ATAD2: variants seen among roughly 807,000 people sequenced by gnomAD.
The protein encoded by ATAD2 is ATPase family AAA domain containing 2.
In ATAD2, 62 loss-of-function variants were observed where a neutral mutation model predicts 168.9. The ratio of observed to expected loss-of-function variants is 0.37; its 90% confidence interval spans 0.30 to 0.45. The LOEUF is 0.45. ATAD2 is among the 20% of genes least tolerant of loss of function. The pLI is 1.00. For missense variants in ATAD2, 1,419 were observed against 1,667.8 expected, an observed-to-expected ratio of 0.85 and a Z score of 2.60; for synonymous variants, 613 against 571.6, an observed-to-expected ratio of 1.07 and a Z score of -1.03.
chr8:123,347,222 C>T lies in ATAD2; in HGVS notation c.2082G>A (p.Val694=). The T allele has an allele frequency of 4.3e-6, 7 of 1,614,148 alleles. No individual in the cohort carries two copies. Among genetic ancestry groups the T allele is most frequent in the Non-Finnish European group, 5.9e-6 (7 of 1,180,030 alleles). Residue 694 remains valine (V), a synonymous_variant, in exon 16 of 28, where the codon GTG becomes GTA. Transcript: ENST00000287394. The part of the protein sequence containing the change: ...QKMIPASQRA[V]TSPGQALSTV... Reference sequence around the variant, plus strand: ...TGGACAGTGCCTGCCCAGGTGATGTCACAGCTCTTTGGGAGGCTGGTATCA... The same window carrying T: ...TGGACAGTGCCTGCCCAGGTGATGTTACAGCTCTTTGGGAGGCTGGTATCA...
At chr8:123,404,009 C>T (rs1224990412) in intron 1 of ATAD2, among the ~76,000 whole-genome samples, 1 of 152,172 alleles carries the variant, frequency 6.6e-6, no homozygotes, top group Non-Finnish European at 1.5e-5. Context: ...TTATTTTAGA[C>T]ACCTGCTACA....
intron 13 of ATAD2, among the ~76,000 whole-genome samples, chr8:123,355,538 AAATGGGGAG>A (rs1446761808): frequency 6.6e-6 from 1 of 152,186 alleles, no homozygotes; most frequent in Admixed American, 6.5e-5. Flanking sequence ...CCCATCTTTA[AAATGGGGAG>A]ATTGGTCTAG....
intron 1 of ATAD2, among the ~76,000 whole-genome samples, chr8:123,391,508 AAAAG>A (rs1829825906): frequency 2.0e-5 from 3 of 150,354 alleles, no homozygotes; most frequent in East Asian, 1.9e-4. Context: ...AAAAAAAAAA[AAAAG>A]GTCAGCCTGA....
intron 9 of ATAD2, among the ~76,000 whole-genome samples, chr8:123,360,836 A>G (rs1828792452): frequency 6.6e-6 from 1 of 152,152 alleles, no homozygotes. Flanking sequence ...AAAATCAAAT[A>G]AGCTGGTTAG....
chr8:123,323,199 CCTCTGGCAGTGG>C (rs1827522083), intron 26 of ATAD2, 133 bp from the exon 27 acceptor site: 2 of 891,552 alleles, frequency 2.2e-6, no homozygotes, highest in Non-Finnish European at 3.2e-6. Flanking sequence ...CACAGGGCAG[CCTCTGGCAGTGG>C]CTCTGACATT....
At chr8:123,323,110 C>A (rs753244983) in intron 26 of ATAD2, 44 bp from the exon 27 acceptor site, 24 of 1,559,724 alleles carry the variant, frequency 1.5e-5, no homozygotes, top group Non-Finnish European at 2.1e-5. Context: ...AGAGAAACTT[C>A]CTCAGACAAG....
intron 3 of ATAD2, among the ~76,000 whole-genome samples, 191 bp downstream of exon 3, chr8:123,372,446 G>A (rs1041833610): frequency 3.9e-5 from 6 of 152,078 alleles, no homozygotes; most frequent in African/African-American, 7.2e-5. Flanking sequence ...AACGGCCCGG[G>A]GAAGTTTTTG....
intron 2 of ATAD2, among the ~76,000 whole-genome samples, chr8:123,373,606 G>A (rs938308302): frequency 2.6e-5 from 4 of 151,828 alleles, no homozygotes. Context: ...GGCTAACAGG[G>A]TGAAACCCCG....
rs117026554 is a variant in ATAD2 at position 123,363,361 on chromosome 8, G to C, written c.1050-1715C>G. Among the ~76,000 whole-genome samples, 1,050 of 152,248 alleles carry C rather than the reference G, an allele frequency of 6.9e-3. 6 individuals carry two copies. Among genetic ancestry groups the C allele is most frequent in the Middle Eastern group, 0.024 (7 of 294 alleles). Reference sequence around the variant, plus strand: ...TAATTAATGTATTTGACCACACAGTGCTGGCTTGGAGACCCTAGAGATGTT... The same window carrying C: ...TAATTAATGTATTTGACCACACAGTCCTGGCTTGGAGACCCTAGAGATGTT... On this transcript the variant is annotated intron_variant, in intron 8 of 27. Coordinates refer to ENST00000287394, the MANE Select transcript of ATAD2 (RefSeq NM_014109.4).
At chr8:123,337,477 A>C in intron 21 of ATAD2, 148 bp downstream of exon 21, 1 of 627,956 alleles carries the variant, frequency 1.6e-6, no homozygotes, top group Non-Finnish European at 2.4e-6. Flanking sequence ...TAAAGTCTAC[A>C]TGTGCTTAGG....
At chr8:123,354,076 G>A (rs1828556071) in intron 13 of ATAD2, among the ~76,000 whole-genome samples, 1 of 152,186 alleles carries the variant, frequency 6.6e-6, no homozygotes, top group African/African-American at 2.4e-5. Context: ...AGAGGTTGCA[G>A]TGAGCCAAGA....
chr8:123,400,841 G>T (rs1244703226), upstream of ATAD2: 2 of 1,337,782 alleles, frequency 1.5e-6, no homozygotes, highest in Non-Finnish European at 2.1e-6. The surrounding 1 kb of genome is among the most constrained non-coding windows in gnomAD (Gnocchi z 4.5). Flanking sequence ...GGAGGTATTG[G>T]TTTCATTCAC....
At chr8:123,410,755 C>T (rs1813142541) in intron 1 of ATAD2, among the ~76,000 whole-genome samples, 1 of 152,186 alleles carries the variant, frequency 6.6e-6, no homozygotes, top group African/African-American at 2.4e-5. Flanking sequence ...GCTGAGCTTT[C>T]GCTCGCCGTC....
intron 1 of ATAD2, among the ~76,000 whole-genome samples, chr8:123,412,336 A>G (rs567737834): frequency 6.6e-6 from 1 of 152,354 alleles, no homozygotes; most frequent in Admixed American, 6.5e-5. Flanking sequence ...AAAAATATCA[A>G]TTCAACAAGG....
At chr8:123,339,229 T>A in intron 20 of ATAD2, 82 bp downstream of exon 20, 2 of 1,216,696 alleles carry the variant, frequency 1.6e-6, no homozygotes, top group Non-Finnish European at 2.3e-6. Context: ...GCTTGTGTTA[T>A]CAGATACATG....
chr8:123,408,414 AG>A (rs1434054017), intron 1 of ATAD2, among the ~76,000 whole-genome samples: 3 of 152,334 alleles, frequency 2.0e-5, no homozygotes, highest in African/African-American at 7.2e-5. Context: ...TTCCTCTGGG[AG>A]GAATGACCCA....
intron 2 of ATAD2, among the ~76,000 whole-genome samples, chr8:123,377,470 C>T (rs982698354): frequency 6.6e-6 from 1 of 152,126 alleles, no homozygotes; most frequent in South Asian, 2.1e-4. Context: ...AAGGTAAAAA[C>T]AGGACTTCCA....
intron 8 of ATAD2, among the ~76,000 whole-genome samples, chr8:123,366,229 C>T (rs541317528): frequency 5.9e-4 from 90 of 152,266 alleles, no homozygotes; most frequent in African/African-American, 2.1e-3. Context: ...TACCACCTTA[C>T]CCCCGCAAAA....
intron 1 of ATAD2, among the ~76,000 whole-genome samples, chr8:123,389,982 ATATTTTTTTT>A (rs1336353810): frequency 1.8e-5 from 2 of 110,894 alleles, no homozygotes; most frequent in African/African-American, 1.0e-4. Flanking sequence ...ATATATATAT[ATATTTTTTTT>A]TTTTTAGACA....
Sources: allele counts gnomAD v4.1 joint callset (sites outside exome capture counted in the v4.1 genomes callset), GRCh38; gene constraint gnomAD v4.1.1; non-coding constraint Gnocchi (gnomAD v3.1); transcripts MANE v1.5; gene names NCBI Gene and HGNC (gene_info 2026-07-23, HGNC 2026-07-21).